The following ABCC5 variants were observed in gnomAD, a reference collection of about 807,000 sequenced individuals.
ABCC5 encodes the protein ATP-binding cassette sub-family C member 5.
Under a neutral mutation model 160.9 loss-of-function variants are expected in ABCC5, and 61 were observed. The ratio of observed to expected loss-of-function variants is 0.38; its 90% CI spans 0.31 to 0.47. The LOEUF (loss-of-function observed/expected upper bound fraction) is 0.47. Among genes scored for constraint, ABCC5 ranks in the 20% least tolerant of loss-of-function variants. The pLI, the probability that ABCC5 is intolerant of heterozygous loss-of-function variation, is 0.99. For synonymous variants in ABCC5, 666 were observed against 700.6 expected, an observed-to-expected ratio of 0.95 and a Z score of 0.78; for missense variants, 1,308 against 1,813.3, an observed-to-expected ratio of 0.72 and a Z score of 5.06.
chr3:183,939,813 G>A (rs1270444800), intron 25 of ABCC5, among the ~76,000 whole-genome samples: 1 of 152,220 alleles, frequency 6.6e-6, no homozygotes, highest in Non-Finnish European at 1.5e-5. Context: ...TTTAGCTGTT[G>A]AATCACTTTT....
At chr3:183,931,309 C>T (rs1432093274) in intron 26 of ABCC5, among the ~76,000 whole-genome samples, 7 of 150,772 alleles carry the variant, frequency 4.6e-5, no homozygotes, top group Admixed American at 1.3e-4. Flanking sequence ...TGGGCAAATA[C>T]GACAACAGGC....
At chr3:183,972,472 G>A (rs1035633687) in intron 10 of ABCC5, among the ~76,000 whole-genome samples, 1 of 152,050 alleles carries the variant, frequency 6.6e-6, no homozygotes, top group East Asian at 1.9e-4. Context: ...ACATCTTCTT[G>A]CCAAGAAACT....
chr3:183,927,548 T>C, intron 27 of ABCC5, 105 bp from the exon 28 acceptor site: 1 of 1,481,794 alleles, frequency 6.7e-7, no homozygotes, highest in Non-Finnish European at 9.0e-7. Flanking sequence ...AAAGAACTAT[T>C]AGCCAAGAAC....
At chr3:183,991,310 A>AT (rs1191614158) in intron 2 of ABCC5, among the ~76,000 whole-genome samples, 1 of 151,572 alleles carries the variant, frequency 6.6e-6, no homozygotes, top group Non-Finnish European at 1.5e-5. Context: ...AAGAAGGAAA[A>AT]AAAAAACAAA....
rs1002914714 is a variant in ABCC5, at chr3:183,951,138, C to A, written c.2944+303G>T. Among the ~76,000 whole-genome samples, 2 of 152,210 alleles carry A rather than the reference C, an allele frequency of 1.3e-5. No individual in the cohort carries two copies. Among genetic ancestry groups the A allele is most frequent in the Admixed American group, 1.3e-4 (2 of 15,272 alleles). On this transcript the variant is annotated intron_variant, in intron 20 of 29. Coordinates refer to ENST00000334444, the MANE Select transcript of ABCC5 (RefSeq NM_005688.4). This position sits in a 1 kb window ranked among gnomAD's most constrained non-coding sequence, Gnocchi z 4.7. ...AGTTCTGGTGCAGGCACAGCCCATA[C>A]AACAGCCAGAAAACCTGCCAGGTTG...
chr3:183,993,211 G>A (rs1181488122), intron 2 of ABCC5, among the ~76,000 whole-genome samples: 3 of 152,040 alleles, frequency 2.0e-5, no homozygotes, highest in South Asian at 2.1e-4. Context: ...CGGGCTGGGC[G>A]CAGTGGCTCA....
intron 29 of ABCC5, 150 bp downstream of exon 29, chr3:183,925,405 C>A: frequency 1.5e-6 from 1 of 683,948 alleles, no homozygotes. Context: ...GATTCGGAGG[C>A]TGTATCCCTC....
intron 10 of ABCC5, among the ~76,000 whole-genome samples, chr3:183,977,128 A>C (rs991672662): frequency 6.6e-6 from 1 of 152,220 alleles, no homozygotes; most frequent in Non-Finnish European, 1.5e-5. Flanking sequence ...CATGTCAATC[A>C]ATCAAAGTGA....
At position 183,982,643 on chromosome 3, in the gene ABCC5, A is replaced by G. The variant is rs1391903400; in HGVS notation, c.826-19T>C. On this transcript the variant is annotated intron_variant, in intron 6 of 29. Coordinates refer to ENST00000334444, the MANE Select transcript of ABCC5 (RefSeq NM_005688.4). The surrounding 1 kb of genome is among the most constrained non-coding windows in gnomAD (Gnocchi z 5.2). ...TGATGAGCTATAAGATACAAAGAGT[A>G]GTGAGGGGACCCTGCAAGGACACGG... 1.2e-6 allele frequency: 2 copies of G among 1,613,556 alleles called. No homozygotes were observed. Among genetic ancestry groups the G allele is most frequent in the East Asian group, 4.5e-5 (2 of 44,894 alleles).
At chr3:183,930,308 G>A (rs1713053111) in intron 26 of ABCC5, among the ~76,000 whole-genome samples, 1 of 152,204 alleles carries the variant, frequency 6.6e-6, no homozygotes, top group Admixed American at 6.5e-5. Flanking sequence ...GATCTCCTGG[G>A]AGATTCTGAC....
At chr3:183,996,690 T>C (rs1029804940) in intron 2 of ABCC5, among the ~76,000 whole-genome samples, 3 of 152,162 alleles carry the variant, frequency 2.0e-5, no homozygotes, top group African/African-American at 7.2e-5. Context: ...TGCAATTTTA[T>C]CCTAACAAAC....
chr3:183,979,442 C>A (rs1341098690), intron 8 of ABCC5, among the ~76,000 whole-genome samples: 1 of 151,786 alleles, frequency 6.6e-6, no homozygotes, highest in Non-Finnish European at 1.5e-5. Context: ...TATAAAAATG[C>A]AGTAATGACA....
chr3:184,003,483 C>A (rs941596342), intron 2 of ABCC5, among the ~76,000 whole-genome samples: 11 of 152,148 alleles, frequency 7.2e-5, no homozygotes, highest in African/African-American at 2.7e-4. Context: ...AATTCTAGAA[C>A]CCAACCTATA....
intron 26 of ABCC5, 38 bp downstream of exon 26, chr3:183,937,863 A>T (rs764366679): frequency 1.9e-6 from 3 of 1,608,230 alleles, no homozygotes; most frequent in Non-Finnish European, 2.5e-6. Context: ...TCTGGCCTCT[A>T]AGTGACGCAC....
intron 5 of ABCC5, chr3:183,984,904 C>A: frequency 1.3e-6 from 2 of 1,565,266 alleles, no homozygotes; most frequent in Non-Finnish European, 1.7e-6. Flanking sequence ...GCTGAAAGGA[C>A]AGCAGGTGGT....
chr3:183,985,681 C>A (rs1719147861), intron 5 of ABCC5: 14 of 421,012 alleles, frequency 3.3e-5, no homozygotes, highest in South Asian at 2.9e-4. Context: ...GGCCCCAAAG[C>A]ATCTCTGTAA....
rs754366478 is a variant in ABCC5 at position 183,947,450 on chromosome 3, C to T, written c.3288G>A (p.Arg1096=). 2 of 1,612,338 alleles carry T rather than the reference C, an allele frequency of 1.2e-6. No homozygotes were observed. The highest frequency in any genetic ancestry group is 1.1e-5 in the South Asian group (1 of 91,014). The change falls in exon 23 of 30, where the codon CGG becomes CGA. Residue 1096 remains arginine, a synonymous_variant. Coordinates refer to ENST00000334444, the MANE Select transcript of ABCC5 (RefSeq NM_005688.4). ...APFFLFTCAM[R]WLAVRLDLIS... The stretch of plus-strand genomic sequence containing the variant: ...TGAGGTCCAGCCGCACAGCCAGCCA[C>T]CGCATCGCACACGTAAACAAAAAAA...
chr3:184,015,340 T>C (rs1310840114), intron 1 of ABCC5, among the ~76,000 whole-genome samples: 1 of 152,114 alleles, frequency 6.6e-6, no homozygotes, highest in Non-Finnish European at 1.5e-5. Flanking sequence ...TCCAAAATGT[T>C]TCCCCCCTCT....
chr3:183,953,711 C>T (rs540423011), intron 17 of ABCC5, among the ~76,000 whole-genome samples: 1 of 152,234 alleles, frequency 6.6e-6, no homozygotes, highest in South Asian at 2.1e-4. Flanking sequence ...TATTGCTTCT[C>T]AAAAGGTAAG....
Sources: allele counts gnomAD v4.1 joint callset (sites outside exome capture counted in the v4.1 genomes callset), GRCh38; gene constraint gnomAD v4.1.1; non-coding constraint Gnocchi (gnomAD v3.1); transcripts MANE v1.5; gene names NCBI Gene and HGNC (gene_info 2026-07-23, HGNC 2026-07-21).